TSBP1: variants seen among roughly 807,000 people sequenced by gnomAD.
The protein encoded by TSBP1 is testis expressed basic protein 1.
A neutral mutation model predicts 68.8 loss-of-function variants in TSBP1; 56 were observed. That is an observed-to-expected ratio of 0.81 (90% CI 0.66 to 1.02). The LOEUF (loss-of-function observed/expected upper bound fraction) is 1.02, where lower values mean the gene tolerates loss of function less well. Among genes scored for constraint, TSBP1 ranks in the 50% least tolerant of loss-of-function variants. The pLI, the probability that TSBP1 is intolerant of heterozygous loss-of-function variation, is 0.00. For missense variants in TSBP1, 502 were observed against 641.2 expected (o/e 0.78, Z 2.34); for synonymous variants, 171 against 208.7 (o/e 0.82, Z 1.56).
At chr6:32,362,177 A>T (rs947637725) in intron 6 of TSBP1, among the ~76,000 whole-genome samples, 1 of 151,024 alleles carries the variant, frequency 6.6e-6, no homozygotes, top group Non-Finnish European at 1.5e-5. Flanking sequence ...TAGTCCCAGC[A>T]ACTCGGGAGG....
At chr6:32,350,869 A>G (rs1771637606) in intron 8 of TSBP1, among the ~76,000 whole-genome samples, 1 of 152,168 alleles carries the variant, frequency 6.6e-6, no homozygotes, top group Non-Finnish European at 1.5e-5. Context: ...GACTTGATTC[A>G]TTTTTGTTCA....
chr6:32,350,072 C>G (rs954569884), intron 8 of TSBP1: 4 of 651,798 alleles, frequency 6.1e-6, no homozygotes, highest in African/African-American at 3.6e-5. Context: ...TATAAGTCTT[C>G]TTTCATTGGT....
intron 16 of TSBP1, among the ~76,000 whole-genome samples, chr6:32,329,815 TA>T (rs2127596680): frequency 6.6e-6 from 1 of 152,326 alleles, no homozygotes. Context: ...TGCTATCCCT[TA>T]ATTTCTAGAT....
At position 32,349,729 on chromosome 6, in the gene TSBP1, A is replaced by G. The variant is rs761006708; in HGVS notation, c.349+11T>C. 9 of 1,530,266 alleles carry G rather than the reference A, an allele frequency of 5.9e-6. No homozygotes were observed. The highest frequency in any genetic ancestry group is 8.1e-6 in the Non-Finnish European group (9 of 1,105,560). 94.8% of individuals were successfully genotyped at this position (1,530,266 alleles called of 1,614,324 possible). A position where few individuals can be genotyped will look rare whatever the true frequency, so the allele number is the denominator to read the frequency against. On this transcript the variant is annotated intron_variant, in intron 9 of 22. Transcript: ENST00000612031. ...ATGTCAGCAGAATTGAAGAAAAGTAAAGGAACTTACCAATACTTGATCGAG... is the reference window on the plus strand; with the variant it reads ...ATGTCAGCAGAATTGAAGAAAAGTAGAGGAACTTACCAATACTTGATCGAG...
Position 32,325,210 on chromosome 6 carries a change from C to A in TSBP1, c.515-1596G>T. On this transcript the variant is annotated intron_variant, in intron 16 of 22. Transcript: ENST00000612031. This position sits in a 1 kb window ranked among gnomAD's most constrained non-coding sequence, Gnocchi z 4.4. ...AAGCATCATTAAAGTCTCTCTTCTC[C>A]TGGCCGTCTTATCTAAGTCAGAGTC... 1 of 650,672 alleles carries A rather than the reference C, an allele frequency of 1.5e-6. No individual in the cohort carries two copies. The highest frequency in any genetic ancestry group is 2.6e-5 in the East Asian group (1 of 38,804). The allele number at this position is 650,672 out of a possible 1,614,324, so 40.3% of individuals were successfully genotyped here.
At chr6:32,298,578 CA>C (rs759335928) in intron 22 of TSBP1, among the ~76,000 whole-genome samples, 11,082 of 142,880 alleles carry the variant, frequency 0.078, 473 homozygotes, top group Admixed American at 0.099. Flanking sequence ...AAACTTTGTC[CA>C]AAAAAAAAAA....
intron 16 of TSBP1, among the ~76,000 whole-genome samples, chr6:32,324,020 G>A (rs1012966233): frequency 6.6e-6 from 1 of 152,088 alleles, no homozygotes; most frequent in Non-Finnish European, 1.5e-5. Context: ...TAAGTCCCTT[G>A]TAATATATCA....
rs1341443875 is a variant in TSBP1 at position 32,338,581 on chromosome 6, A to G, written c.409+398T>C. ...TATACATCCCACACAAACATCAGTGACAGTCTGGGATCCTCGGTCAGTGAG... is the reference window on the plus strand; with the variant it reads ...TATACATCCCACACAAACATCAGTGGCAGTCTGGGATCCTCGGTCAGTGAG... On this transcript the variant is annotated intron_variant, in intron 11 of 22. Coordinates refer to ENST00000612031, the Ensembl canonical transcript of TSBP1. This position sits in a 1 kb window ranked among gnomAD's most constrained non-coding sequence, Gnocchi z 5.5. Among the ~76,000 whole-genome samples, 1 of 152,180 alleles carries G rather than the reference A, an allele frequency of 6.6e-6. No homozygotes were observed. The highest frequency in any genetic ancestry group is 1.5e-5 in the Non-Finnish European group (1 of 68,036).
chr6:32,299,934 G>A, exon 22 of TSBP1: 3 of 1,609,098 alleles, frequency 1.9e-6, no homozygotes, highest in Non-Finnish European at 8.5e-7. Flanking sequence ...ACAGGAGTCA[G>A]TGCTAAAAAC....
At chr6:32,324,717 C>CT in intron 16 of TSBP1, 1 of 1,550,040 alleles carries the variant, frequency 6.5e-7, no homozygotes, top group Non-Finnish European at 8.7e-7. Flanking sequence ...TTACCCCTTT[C>CT]TTGTTTCTTT....
intron 6 of TSBP1, among the ~76,000 whole-genome samples, chr6:32,356,237 CATA>C (rs1291308872): frequency 1.3e-5 from 2 of 152,074 alleles, no homozygotes; most frequent in Non-Finnish European, 2.9e-5. Context: ...TATGTTGAAT[CATA>C]ATATCATTTG....
chr6:32,349,038 C>CA (rs1437485574), intron 9 of TSBP1, among the ~76,000 whole-genome samples: 1 of 152,074 alleles, frequency 6.6e-6, no homozygotes, highest in African/African-American at 2.4e-5. Context: ...AGGTGAGGGA[C>CA]AAAATCTCAG....
At chr6:32,363,578 A>G (rs1176911511) in intron 6 of TSBP1, among the ~76,000 whole-genome samples, 1 of 151,348 alleles carries the variant, frequency 6.6e-6, no homozygotes, top group Non-Finnish European at 1.5e-5. Context: ...CATGGTTTCA[A>G]CAGTCTATTT....
At chr6:32,359,809 G>A (rs549165618) in intron 6 of TSBP1, among the ~76,000 whole-genome samples, 1 of 152,086 alleles carries the variant, frequency 6.6e-6, no homozygotes, top group Admixed American at 6.5e-5. Context: ...AATCCATCTT[G>A]AATTAATTCA....
At position 32,325,768 on chromosome 6, in the gene TSBP1, G is replaced by A. The variant is rs1035928415; in HGVS notation, c.515-2154C>T. 60 of 1,145,956 alleles carry A rather than the reference G, an allele frequency of 5.2e-5. No individual in the cohort carries two copies. The highest frequency in any genetic ancestry group is 7.5e-5 in the Non-Finnish European group (58 of 768,216). 71.0% of individuals were successfully genotyped at this position (1,145,956 alleles called of 1,614,324 possible). ...AAGTTAGGAAAGTCTGTCAAAGCAA[G>A]AGATGGCTAGTGCTCCATCCAGCCG... On this transcript the variant is annotated intron_variant, in intron 16 of 22. Coordinates refer to ENST00000612031, the Ensembl canonical transcript of TSBP1. This position sits in a 1 kb window ranked among gnomAD's most constrained non-coding sequence, Gnocchi z 4.4.
chr6:32,313,694 T>C (rs955347150), intron 19 of TSBP1, among the ~76,000 whole-genome samples: 1 of 152,162 alleles, frequency 6.6e-6, no homozygotes, highest in African/African-American at 2.4e-5. Flanking sequence ...GTGGATCCCT[T>C]CTTGGTGGCT....
rs185222370 is a variant in TSBP1, at chr6:32,338,314, T to C, written c.409+665A>G. ...GCATATCTAAAACTCCAGGGTGACG[T>C]TGATGCAGGCCCTTGGACCCACTTT... On this transcript the variant is annotated intron_variant, in intron 11 of 22. Coordinates refer to ENST00000612031, the Ensembl canonical transcript of TSBP1. The surrounding 1 kb of genome is among the most constrained non-coding windows in gnomAD (Gnocchi z 5.5). Among the ~76,000 whole-genome samples, 2 of 152,260 alleles carry C rather than the reference T, an allele frequency of 1.3e-5. No homozygotes were observed. The highest frequency in any genetic ancestry group is 1.5e-5 in the Non-Finnish European group (1 of 68,016).
intron 9 of TSBP1, among the ~76,000 whole-genome samples, chr6:32,347,637 T>A (rs530979359): frequency 2.0e-5 from 3 of 152,322 alleles, no homozygotes; most frequent in African/African-American, 7.2e-5. Context: ...AGCATAAATG[T>A]GGCTTTATCC....
At chr6:32,348,275 A>G (rs1771290586) in intron 9 of TSBP1, among the ~76,000 whole-genome samples, 1 of 152,174 alleles carries the variant, frequency 6.6e-6, no homozygotes, top group African/African-American at 2.4e-5. Flanking sequence ...TCAACTCCCA[A>G]ATATTTTACC....
Sources: gnomAD v4.1 joint callset for allele counts (sites outside exome capture counted in the v4.1 genomes callset) on GRCh38, gnomAD v4.1.1 for gene constraint, Gnocchi (gnomAD v3.1) non-coding constraint, MANE v1.5 for transcripts, NCBI Gene and HGNC (gene_info 2026-07-23, HGNC 2026-07-21) for gene names.